Variants in PGM2L1 observed in about 807,000 individuals in gnomAD.
PGM2L1 encodes phosphoglucomutase 2 like 1.
A neutral mutation model predicts 73.4 loss-of-function variants in PGM2L1; 35 were observed. The ratio of observed to expected loss-of-function variants is 0.48; its 90% CI spans 0.36 to 0.63. The LOEUF (loss-of-function observed/expected upper bound fraction) is 0.63. Among genes scored for constraint, PGM2L1 ranks in the 30% least tolerant of loss-of-function variants. The pLI is 0.00. For missense variants in PGM2L1, 570 were observed against 742.0 expected (o/e 0.77, Z 2.69); for synonymous variants, 225 against 253.8 (o/e 0.89, Z 1.08).
At chr11:74,357,346 T>A (rs1036156962) in intron 5 of PGM2L1, among the ~76,000 whole-genome samples, 2 of 152,112 alleles carry the variant, frequency 1.3e-5, no homozygotes, top group Non-Finnish European at 2.9e-5. Context: ...TATAAAGAAT[T>A]CTTAAAACTC....
At chr11:74,388,360 T>C (rs537029852) in intron 1 of PGM2L1, among the ~76,000 whole-genome samples, 1 of 152,324 alleles carries the variant, frequency 6.6e-6, no homozygotes, top group East Asian at 1.9e-4. Flanking sequence ...CCTATACACC[T>C]ATGTATCTAT....
At chr11:74,351,648 T>A (rs1862355694) in intron 5 of PGM2L1, 72 bp from the exon 6 acceptor site, 2 of 1,321,018 alleles carry the variant, frequency 1.5e-6, no homozygotes, top group Admixed American at 2.4e-5. Flanking sequence ...ATAGTTGAGA[T>A]CTTCAGCTTT....
At chr11:74,360,649 C>T (rs1225724376) in intron 5 of PGM2L1, among the ~76,000 whole-genome samples, 1 of 152,152 alleles carries the variant, frequency 6.6e-6, no homozygotes, top group Non-Finnish European at 1.5e-5. Context: ...ATGGAATTCC[C>T]TTTCCTGGCA....
At position 74,336,504 on chromosome 11, in the gene PGM2L1, C is replaced by T; in HGVS notation, c.*148G>A. On this transcript the variant is annotated 3_prime_UTR_variant, in exon 14 of 14. Coordinates refer to ENST00000298198, the MANE Select transcript of PGM2L1 (RefSeq NM_173582.6). ...AAACTTATACTTTGTTTAGTCTAGC[C>T]AGTTGACCAAAAAGAAAGAAAATAA... is the stretch of plus-strand genomic sequence containing the variant. 2.2e-6 allele frequency: 1 copy of T among 455,590 alleles called. No homozygotes were observed. Among genetic ancestry groups the T allele is most frequent in the South Asian group, 6.2e-5 (1 of 16,098 alleles). The allele number at this position is 455,590 out of a possible 1,614,324, so 28.2% of individuals were successfully genotyped here. A position where few individuals can be genotyped will look rare whatever the true frequency, so the allele number is the denominator to read the frequency against.
rs752999375 is a variant in PGM2L1 at position 74,368,593 on chromosome 11, C to T, written c.472-18G>A. On this transcript the variant is annotated intron_variant, in intron 4 of 13. Transcript: ENST00000298198. Reference sequence around the variant, plus strand: ...GCATATGGCTGAAAAATAAATAACACCATAATTCCATTTTGCTTCCTAGCT... The same window carrying T: ...GCATATGGCTGAAAAATAAATAACATCATAATTCCATTTTGCTTCCTAGCT... The T allele has an allele frequency of 6.2e-7, 1 of 1,600,846 alleles. No homozygotes were observed. The highest frequency in any genetic ancestry group is 1.1e-5 in the South Asian group (1 of 90,696).
chr11:74,358,824 G>A (rs755825875), intron 5 of PGM2L1, among the ~76,000 whole-genome samples: 5 of 152,178 alleles, frequency 3.3e-5, no homozygotes, highest in Non-Finnish European at 7.4e-5. Flanking sequence ...GGGAGGCGAA[G>A]GTTGCAGTGA....
intron 11 of PGM2L1, 48 bp downstream of exon 11, chr11:74,342,837 C>A (rs974218572): frequency 1.3e-6 from 2 of 1,521,976 alleles, no homozygotes; most frequent in Non-Finnish European, 1.8e-6. Flanking sequence ...AAGGGTAGGA[C>A]AATAAAAGAA....
intron 1 of PGM2L1, among the ~76,000 whole-genome samples, chr11:74,389,459 A>AT (rs1383546491): frequency 4.6e-5 from 7 of 151,032 alleles, no homozygotes; most frequent in East Asian, 2.0e-4. Flanking sequence ...TTAAAAATTT[A>AT]TTTTTTTTGA....
chr11:74,353,827 C>T (rs1217750942), intron 5 of PGM2L1, among the ~76,000 whole-genome samples: 1 of 1,058 alleles, frequency 9.5e-4, no homozygotes, highest in Non-Finnish European at 1.8e-3. Flanking sequence ...GCCATCATGG[C>T]CCGTTCTCAA....
Position 74,342,691 on chromosome 11 carries a change from A to G in PGM2L1, c.1443-41T>C, listed in dbSNP as rs767041330. 176 of 1,456,292 alleles carry G rather than the reference A, an allele frequency of 1.2e-4. No individual in the cohort carries two copies. The Middle Eastern group carries it at 2.1e-3, about 18-fold the overall frequency. 90.2% of individuals were successfully genotyped at this position (1,456,292 alleles called of 1,614,324 possible). ...AAGTGCTAAAATTAGATTTCAGATA[A>G]CTCTTTAAAAAAGCATATATTAAGG... On this transcript the variant is annotated intron_variant, in intron 11 of 13. Transcript: ENST00000298198.
At chr11:74,347,525 T>A (rs1862285258) in intron 6 of PGM2L1, among the ~76,000 whole-genome samples, 188 bp from the exon 7 acceptor site, 1 of 152,216 alleles carries the variant, frequency 6.6e-6, no homozygotes, top group African/African-American at 2.4e-5. Flanking sequence ...TTCAACAGCA[T>A]TCTCCCTTTG....
intron 1 of PGM2L1, among the ~76,000 whole-genome samples, chr11:74,395,549 CTT>C (rs60883108): frequency 1.2e-4 from 8 of 64,942 alleles, no homozygotes; most frequent in African/African-American, 4.3e-4. Flanking sequence ...CCTCGCCTGG[CTT>C]TTTTTTTTTT....
At chr11:74,389,415 TAAGAG>T (rs1367947218) in intron 1 of PGM2L1, among the ~76,000 whole-genome samples, 3 of 152,148 alleles carry the variant, frequency 2.0e-5, no homozygotes, top group Non-Finnish European at 4.4e-5. Flanking sequence ...TTTTTTTAAA[TAAGAG>T]GAGAGGAAGA....
chr11:74,333,412 G>A lies in PGM2L1; in HGVS notation c.*3240C>T, dbSNP rs2134870624. Reference sequence around the variant, plus strand: ...GCAAACTTAGCAAACTATCTCAACAGCTTTCTCCTCTCCAGAGTCAAACAA... The same window carrying A: ...GCAAACTTAGCAAACTATCTCAACAACTTTCTCCTCTCCAGAGTCAAACAA... On this transcript the variant is annotated 3_prime_UTR_variant, in exon 14 of 14. Coordinates refer to ENST00000298198, the MANE Select transcript of PGM2L1 (RefSeq NM_173582.6). The A allele has an allele frequency of 6.6e-6, 1 of 152,230 alleles. No individual in the cohort carries two copies. The highest frequency in any genetic ancestry group is 1.9e-4 in the East Asian group (1 of 5,192). The allele number at this position is 152,230 out of a possible 1,614,324, so 9.4% of individuals were successfully genotyped here.
At chr11:74,371,405 T>A (rs1862750662) in intron 3 of PGM2L1, among the ~76,000 whole-genome samples, 1 of 152,204 alleles carries the variant, frequency 6.6e-6, no homozygotes, top group South Asian at 2.1e-4. Flanking sequence ...AATAGGCATA[T>A]AATGAGAATA....
chr11:74,397,173 C>T (rs1310724819), intron 1 of PGM2L1, among the ~76,000 whole-genome samples: 3 of 152,186 alleles, frequency 2.0e-5, no homozygotes, highest in Non-Finnish European at 2.9e-5. Flanking sequence ...AATGTGCTGC[C>T]TTCTCTACTT....
At chr11:74,388,671 T>C (rs980698892) in intron 1 of PGM2L1, among the ~76,000 whole-genome samples, 1 of 152,252 alleles carries the variant, frequency 6.6e-6, no homozygotes, top group Non-Finnish European at 1.5e-5. Flanking sequence ...TACCATATTA[T>C]AGTCTTCATA....
chr11:74,354,520 C>T lies in PGM2L1; in HGVS notation c.556-2944G>A, dbSNP rs968234637. 1.8e-5 allele frequency: 23 copies of T among 1,250,610 alleles called. No individual in the cohort carries two copies. In the African/African-American group the frequency reaches 1.9e-4, roughly 10 times the overall value. The allele number at this position is 1,250,610 out of a possible 1,614,324, so 77.5% of individuals were successfully genotyped here. The stretch of plus-strand genomic sequence containing the variant: ...TTGGAGGGTTGAGCTTTGAAACAAC[C>T]GATGAGAGCCTGAGGAGCCATTTTG... On this transcript the variant is annotated intron_variant, in intron 5 of 13. Transcript: ENST00000298198.
chr11:74,392,520 C>T (rs1863117248), intron 1 of PGM2L1, among the ~76,000 whole-genome samples: 1 of 151,214 alleles, frequency 6.6e-6, no homozygotes, highest in Non-Finnish European at 1.5e-5. Context: ...CATCCTACTC[C>T]AGCTTTATAA....
Sources: allele counts gnomAD v4.1 joint callset (sites outside exome capture counted in the v4.1 genomes callset), GRCh38; gene constraint gnomAD v4.1.1; transcripts MANE v1.5; gene names NCBI Gene and HGNC (gene_info 2026-07-23, HGNC 2026-07-21).